The following LOC728743 variants were observed in gnomAD, a reference collection of about 807,000 sequenced individuals.
At chr7:150,400,894 G>GT in the LOC728743 span, 1 of 152,250 alleles carries the variant, frequency 6.6e-6, no homozygotes, top group Non-Finnish European at 1.5e-5. Flanking sequence ...TGAGATTAAG[G>GT]TGGTTGCCAA....
At chr7:150,404,592 G>A in the LOC728743 span, 2 of 152,276 alleles carry the variant, frequency 1.3e-5, no homozygotes, top group African/African-American at 2.4e-5. Context: ...TTATGTCCGA[G>A]TAAGGGACAT....
chr7:150,406,907 C>T, the LOC728743 span, among the ~76,000 whole-genome samples: 4 of 152,164 alleles, frequency 2.6e-5, no homozygotes, highest in African/African-American at 7.2e-5. Flanking sequence ...AAAGAGCTGC[C>T]GCCTTTAATG....
the LOC728743 span, among the ~76,000 whole-genome samples, chr7:150,401,360 G>C: frequency 6.6e-6 from 1 of 152,254 alleles, no homozygotes; most frequent in African/African-American, 2.4e-5. Flanking sequence ...GCAGTGACCA[G>C]AGGCAGCCGC....
At chr7:150,401,083 C>G in the LOC728743 span, 2 of 152,264 alleles carry the variant, frequency 1.3e-5, no homozygotes, top group Non-Finnish European at 2.9e-5. Context: ...TGCAGCCACG[C>G]TGCTTCGTAC....
At chr7:150,409,120 T>G in the LOC728743 span, among the ~76,000 whole-genome samples, 4 of 109,870 alleles carry the variant, frequency 3.6e-5, no homozygotes, top group African/African-American at 7.0e-5. Context: ...GAAGAGCAAG[T>G]GTGTAGAAGG....
chr7:150,407,309 C>G, the LOC728743 span, among the ~76,000 whole-genome samples: 1 of 152,094 alleles, frequency 6.6e-6, no homozygotes, highest in Non-Finnish European at 1.5e-5. Flanking sequence ...TTGTGTCACA[C>G]GGTGTTTAAG....
the LOC728743 span, chr7:150,411,883 C>T: frequency 6.5e-6 from 1 of 152,892 alleles, no homozygotes; most frequent in African/African-American, 2.4e-5. Flanking sequence ...TCGGACATGT[C>T]CCCTTTCCTC....
chr7:150,404,307 C>A, the LOC728743 span, among the ~76,000 whole-genome samples: 2 of 152,212 alleles, frequency 1.3e-5, no homozygotes, highest in Non-Finnish European at 2.9e-5. Flanking sequence ...CAGGTTTTTA[C>A]TTCCCTGTCG....
At chr7:150,409,428 G>A in the LOC728743 span, among the ~76,000 whole-genome samples, 1 of 152,204 alleles carries the variant, frequency 6.6e-6, no homozygotes, top group East Asian at 1.9e-4. Context: ...GGGCAGCCAG[G>A]ACTCTGCTCC....
chr7:150,410,414 C>G, the LOC728743 span: 152 of 382,802 alleles, frequency 4.0e-4, no homozygotes, highest in Non-Finnish European at 6.1e-4. Context: ...CTGGGGCAGA[C>G]CTCATCCTGG....
the LOC728743 span, among the ~76,000 whole-genome samples, chr7:150,408,989 G>A: frequency 9.7e-3 from 1,479 of 152,310 alleles, 26 homozygotes; most frequent in African/African-American, 0.033. Context: ...GGTGTGTGAC[G>A]CGGGGCCAAC....
chr7:150,401,247 A>G, the LOC728743 span, among the ~76,000 whole-genome samples: 1 of 152,228 alleles, frequency 6.6e-6, no homozygotes, highest in Non-Finnish European at 1.5e-5. Flanking sequence ...TTTTTTGGCA[A>G]GGGACACGAG....
chr7:150,407,894 C>T, the LOC728743 span: 1 of 420,476 alleles, frequency 2.4e-6, no homozygotes, highest in Non-Finnish European at 4.2e-6. Context: ...CGGGGAGCGG[C>T]CCTTCCCCTG....
the LOC728743 span, chr7:150,410,072 T>C: frequency 1.3e-5 from 5 of 398,446 alleles, no homozygotes; most frequent in African/African-American, 1.0e-4. Flanking sequence ...GGCCAGCTGA[T>C]CGCTCCCTCC....
chr7:150,412,226 GA>G, the LOC728743 span: 1 of 152,382 alleles, frequency 6.6e-6, no homozygotes, highest in Non-Finnish European at 1.5e-5. Context: ...TGCACGTGGG[GA>G]GAGGGTATGT....
At chr7:150,402,887 T>A in the LOC728743 span, among the ~76,000 whole-genome samples, 1 of 152,120 alleles carries the variant, frequency 6.6e-6, no homozygotes, top group Non-Finnish European at 1.5e-5. Flanking sequence ...TGGGACAGGG[T>A]TCACCTGAGC....
the LOC728743 span, among the ~76,000 whole-genome samples, chr7:150,407,084 T>C: frequency 6.6e-6 from 1 of 152,124 alleles, no homozygotes; most frequent in Admixed American, 6.5e-5. Context: ...ATAAGACATA[T>C]CTAGACGAAG....
At chr7:150,407,873 C>A in the LOC728743 span, 2 of 425,230 alleles carry the variant, frequency 4.7e-6, no homozygotes, top group Non-Finnish European at 4.2e-6. Flanking sequence ...GGTGCACCAG[C>A]GCACGCACAC....
chr7:150,408,344 G>A, the LOC728743 span: 45 of 362,270 alleles, frequency 1.2e-4, no homozygotes, highest in South Asian at 4.4e-4. Context: ...GGGCAGCGCT[G>A]GCTTGGGCTC....
Sources: allele counts gnomAD v4.1 joint callset (sites outside exome capture counted in the v4.1 genomes callset), GRCh38; gene constraint gnomAD v4.1.1; transcripts MANE v1.5.